Variants in UHRF2 observed in about 807,000 individuals in gnomAD.
The protein encoded by UHRF2 is E3 ubiquitin-protein ligase UHRF2.
A neutral mutation model predicts 96.8 loss-of-function variants in UHRF2; 23 were observed. The observed-to-expected ratio is 0.24, with a 90% CI of 0.17 to 0.34. UHRF2 has a LOEUF of 0.34. Among genes scored for constraint, UHRF2 ranks in the 10% least tolerant of loss-of-function variants. UHRF2 has a pLI of 1.00. For missense variants in UHRF2, 685 were observed against 981.5 expected (o/e 0.70, Z 4.04); for synonymous variants, 385 against 332.6 (o/e 1.16, Z -1.72).
intron 4 of UHRF2, among the ~76,000 whole-genome samples, chr9:6,474,023 C>T (rs577184659): frequency 2.0e-5 from 3 of 151,578 alleles, no homozygotes; most frequent in Non-Finnish European, 2.9e-5. Context: ...TTTTCAAACA[C>T]AGGCAAAACT....
At chr9:6,444,853 C>G (rs985628099) in intron 3 of UHRF2, among the ~76,000 whole-genome samples, 2 of 152,112 alleles carry the variant, frequency 1.3e-5, no homozygotes, top group Non-Finnish European at 2.9e-5. Flanking sequence ...TGACCTGCCC[C>G]GGCCTCCCAA....
At chr9:6,477,410 C>G (rs1460868602) in intron 5 of UHRF2, among the ~76,000 whole-genome samples, 1 of 151,844 alleles carries the variant, frequency 6.6e-6, no homozygotes, top group East Asian at 1.9e-4. Flanking sequence ...CCTGTAATCC[C>G]AGCTACTCGA....
At position 6,475,384 on chromosome 9, in the gene UHRF2, T is replaced by G; in HGVS notation, c.864-7T>G. The G allele has an allele frequency of 6.6e-7, 1 of 1,508,168 alleles. No homozygotes were observed. 93.4% of individuals were successfully genotyped at this position (1,508,168 alleles called of 1,614,324 possible). A position where few individuals can be genotyped will look rare whatever the true frequency, so the allele number is the denominator to read the frequency against. ...CAGAAGTTAACCTTTCTTCCTTTTT[T>G]AAACAGGGGTTCTGAAGGAACATTA... On this transcript the variant is annotated splice_region_variant and splice_polypyrimidine_tract_variant and intron_variant, in intron 4 of 15. Coordinates refer to ENST00000276893, the MANE Select transcript of UHRF2 (RefSeq NM_152896.3).
chr9:6,449,161 G>C (rs186772741), intron 3 of UHRF2, among the ~76,000 whole-genome samples: 7 of 152,258 alleles, frequency 4.6e-5, no homozygotes, highest in Admixed American at 6.5e-5. Context: ...GACCTTTACT[G>C]ACCAGCTGCA....
intron 13 of UHRF2, 132 bp downstream of exon 13, chr9:6,500,063 C>G (rs1325248807): frequency 1.1e-5 from 7 of 665,982 alleles, no homozygotes; most frequent in Non-Finnish European, 1.8e-5. Context: ...GCCTTGACCT[C>G]CTGGGCTCAA....
At chr9:6,452,450 T>G (rs1389268711) in intron 3 of UHRF2, among the ~76,000 whole-genome samples, 4 of 152,196 alleles carry the variant, frequency 2.6e-5, no homozygotes. Context: ...GTCAACAAAT[T>G]GTAATCAAAC....
At chr9:6,503,137 G>T (rs1408539305) in intron 14 of UHRF2, among the ~76,000 whole-genome samples, 2 of 152,058 alleles carry the variant, frequency 1.3e-5, no homozygotes, top group African/African-American at 4.8e-5. Context: ...TGGGATTGCA[G>T]GCACCCGCCA....
chr9:6,442,118 C>G (rs1821201651), intron 3 of UHRF2, among the ~76,000 whole-genome samples: 1 of 152,108 alleles, frequency 6.6e-6, no homozygotes, highest in Non-Finnish European at 1.5e-5. Context: ...GTGCCTGGCA[C>G]CACGTCTGGC....
chr9:6,479,068 A>C (rs62566152), intron 6 of UHRF2, among the ~76,000 whole-genome samples: 1 of 152,006 alleles, frequency 6.6e-6, no homozygotes, highest in African/African-American at 2.4e-5. Flanking sequence ...GATCATTCTC[A>C]TTAGCATTCT....
At chr9:6,467,751 A>G (rs1822966104) in intron 4 of UHRF2, among the ~76,000 whole-genome samples, 1 of 152,064 alleles carries the variant, frequency 6.6e-6, no homozygotes, top group African/African-American at 2.4e-5. Flanking sequence ...TAACTTAAAT[A>G]CTCTGCTTGA....
At chr9:6,414,037 C>G (rs1008426530) in intron 1 of UHRF2, 9 of 163,118 alleles carry the variant, frequency 5.5e-5, no homozygotes, top group East Asian at 1.7e-4. Flanking sequence ...GCGGGAGACC[C>G]GGAGAGCTGG....
intron 2 of UHRF2, among the ~76,000 whole-genome samples, chr9:6,432,156 C>A (rs10739103): frequency 0.96 from 146,074 of 152,268 alleles, 70,096 homozygotes; most frequent in East Asian, 1. Context: ...ATTGTTTGTC[C>A]TACCCAGCAT....
rs1182264973 is a variant in UHRF2, at chr9:6,435,509, G to A, written c.644+1336G>A. ...AAGAGTATAATTCGTTGTTTTTGAC[G>A]TACTACCACAAACTAATTTTAGAAC... On this transcript the variant is annotated intron_variant, in intron 3 of 15. Transcript: ENST00000276893. 4.6e-5 allele frequency among the ~76,000 whole-genome samples: 7 copies of A among 152,002 alleles called. No individual in the cohort carries two copies. In the South Asian group the frequency reaches 1.0e-3, roughly 23 times the overall value.
chr9:6,437,218 A>C (rs915435190), intron 3 of UHRF2, among the ~76,000 whole-genome samples: 2 of 152,156 alleles, frequency 1.3e-5, no homozygotes, highest in African/African-American at 4.8e-5. Flanking sequence ...CAGTAGTAAT[A>C]AGCAGATTTT....
chr9:6,470,460 G>C (rs1341318049), intron 4 of UHRF2, among the ~76,000 whole-genome samples: 1 of 151,572 alleles, frequency 6.6e-6, no homozygotes, highest in Non-Finnish European at 1.5e-5. Context: ...AAACCTGAAA[G>C]AATTCACCAT....
intron 9 of UHRF2, among the ~76,000 whole-genome samples, chr9:6,487,196 T>TTA (rs1824350506): frequency 2.3e-5 from 3 of 132,990 alleles, no homozygotes; most frequent in African/African-American, 5.8e-5. Context: ...TTTTTTTTTT[T>TTA]TTTTTTTTTT....
At chr9:6,502,967 T>C (rs1301547367) in intron 14 of UHRF2, among the ~76,000 whole-genome samples, 1 of 152,182 alleles carries the variant, frequency 6.6e-6, no homozygotes, top group Non-Finnish European at 1.5e-5. Context: ...CATTCAATTT[T>C]TAAATTTGAA....
At position 6,479,784 on chromosome 9, in the gene UHRF2, A is replaced by G. The variant is rs555013083; in HGVS notation, c.1161-1859A>G. Among the ~76,000 whole-genome samples the G allele has an allele frequency of 5.3e-5, 8 of 152,146 alleles. No homozygotes were observed. The South Asian group carries it at 6.2e-4, about 12-fold the overall frequency. On this transcript the variant is annotated intron_variant, in intron 6 of 15. Coordinates refer to ENST00000276893, the MANE Select transcript of UHRF2 (RefSeq NM_152896.3). Reference sequence around the variant, plus strand: ...TGCCAAAAAGCTAAACTTCATCCCAATTCTTCTTTTGTTCTTTCACATACT... The same window carrying G: ...TGCCAAAAAGCTAAACTTCATCCCAGTTCTTCTTTTGTTCTTTCACATACT...
At chr9:6,445,062 G>A (rs954021555) in intron 3 of UHRF2, among the ~76,000 whole-genome samples, 2 of 151,102 alleles carry the variant, frequency 1.3e-5, no homozygotes, top group Non-Finnish European at 2.9e-5. Context: ...AGACCAAGGT[G>A]GGAGGATCAT....
Sources: allele counts gnomAD v4.1 joint callset (sites outside exome capture counted in the v4.1 genomes callset), GRCh38; gene constraint gnomAD v4.1.1; transcripts MANE v1.5; gene names NCBI Gene and HGNC (gene_info 2026-07-23, HGNC 2026-07-21).